CACNA1C: variants seen among roughly 807,000 people sequenced by gnomAD.
The protein encoded by CACNA1C is voltage-dependent L-type calcium channel subunit alpha-1C.
CACNA1C carries 30 observed loss-of-function variants against 229.0 expected under a neutral mutation model. The ratio of observed to expected loss-of-function variants is 0.13; its 90% CI spans 0.10 to 0.18. The LOEUF is 0.18. Ranked by LOEUF, CACNA1C falls within the 10% of genes least tolerant of loss-of-function variation. CACNA1C has a pLI of 1.00. For synonymous variants in CACNA1C, 1,114 were observed against 1,132.5 expected (o/e 0.98, Z 0.33); for missense variants, 1,658 against 2,845.0 (o/e 0.58, Z 9.49).
intron 1 of CACNA1C, among the ~76,000 whole-genome samples, chr12:2,014,151 C>G (rs1471475603): frequency 2.0e-5 from 3 of 152,108 alleles, no homozygotes; most frequent in Non-Finnish European, 4.4e-5. Context: ...CTCCGTGGGC[C>G]TTCAGTATTA....
chr12:2,568,091 G>A (rs2052227133), intron 13 of CACNA1C, among the ~76,000 whole-genome samples: 1 of 152,116 alleles, frequency 6.6e-6, no homozygotes, highest in African/African-American at 2.4e-5. Context: ...AGAGGGTCAG[G>A]GACTCAATCT....
At chr12:1,998,937 G>A (rs1329446242) in intron 1 of CACNA1C, among the ~76,000 whole-genome samples, 4 of 151,832 alleles carry the variant, frequency 2.6e-5, no homozygotes, top group Non-Finnish European at 5.9e-5. Flanking sequence ...TGAAAAATAC[G>A]CCCTTTTAAA....
chr12:2,370,922 G>A (rs1251411528), intron 3 of CACNA1C, among the ~76,000 whole-genome samples: 1 of 152,136 alleles, frequency 6.6e-6, no homozygotes, highest in Non-Finnish European at 1.5e-5. Context: ...AGGCTCGTCT[G>A]CTCTCCAAGT....
intron 29 of CACNA1C, among the ~76,000 whole-genome samples, chr12:2,627,663 G>A (rs1339264729): frequency 2.0e-5 from 3 of 152,126 alleles, no homozygotes; most frequent in Admixed American, 6.5e-5. Flanking sequence ...TAGGTCCGGT[G>A]AAGCCATCTG....
intron 1 of CACNA1C, among the ~76,000 whole-genome samples, chr12:1,995,500 T>C (rs1271546797): frequency 1.3e-5 from 2 of 152,254 alleles, no homozygotes; most frequent in Non-Finnish European, 2.9e-5. Flanking sequence ...GGTTCTTGGG[T>C]ACTCCACTGC....
intron 3 of CACNA1C, among the ~76,000 whole-genome samples, chr12:2,130,595 T>C (rs2091997052): frequency 1.1e-5 from 1 of 92,778 alleles, no homozygotes; most frequent in Admixed American, 1.2e-4. Context: ...AGAATGATGA[T>C]TTCCAATTTC....
At chr12:2,148,374 C>G (rs1267464949) in intron 3 of CACNA1C, among the ~76,000 whole-genome samples, 1 of 151,336 alleles carries the variant, frequency 6.6e-6, no homozygotes, top group Non-Finnish European at 1.5e-5. Flanking sequence ...TCAAAGATTG[C>G]AGATGGAAAT....
At chr12:2,220,013 T>C (rs1271321608) in intron 3 of CACNA1C, among the ~76,000 whole-genome samples, 1 of 152,150 alleles carries the variant, frequency 6.6e-6, no homozygotes, top group Non-Finnish European at 1.5e-5. Context: ...AAGGATTTCC[T>C]CCTCCTCAGA....
Position 2,665,810 on chromosome 12 carries a change from A to G in CACNA1C, c.4526+102A>G, listed in dbSNP as rs2096060016. 5 of 1,159,948 alleles carry G rather than the reference A, an allele frequency of 4.3e-6. No homozygotes were observed. The highest frequency in any genetic ancestry group is 2.7e-5 in the East Asian group (1 of 37,456). The allele number at this position is 1,159,948 out of a possible 1,614,324, so 71.9% of individuals were successfully genotyped here. On this transcript the variant is annotated intron_variant, in intron 36 of 46. Coordinates refer to ENST00000399655, the MANE Select transcript of CACNA1C (RefSeq NM_000719.7). The surrounding 1 kb of genome is among the most constrained non-coding windows in gnomAD (Gnocchi z 5.9). ...AGGTTGGCCAACACTGGGTGGATCA[A>G]TTAGAAACACTGGATTGTATCACAC...
intron 7 of CACNA1C, among the ~76,000 whole-genome samples, chr12:2,499,612 C>A (rs1469256571): frequency 6.6e-6 from 1 of 152,180 alleles, no homozygotes; most frequent in Non-Finnish European, 1.5e-5. Context: ...ATGCTCCCTC[C>A]CTTTGTAGTG....
chr12:2,310,520 G>A (rs1033567862), intron 3 of CACNA1C, among the ~76,000 whole-genome samples: 3 of 152,118 alleles, frequency 2.0e-5, no homozygotes, highest in Admixed American at 1.3e-4. Context: ...TGGCATTGTC[G>A]ACTCATTTGG....
chr12:2,352,563 C>A (rs1325468526), intron 3 of CACNA1C, among the ~76,000 whole-genome samples: 3 of 152,000 alleles, frequency 2.0e-5, no homozygotes, highest in Non-Finnish European at 4.4e-5. Context: ...CTGGTTACCC[C>A]CAAGGATGCT....
chr12:2,458,455 G>C (rs1027125900), intron 5 of CACNA1C, among the ~76,000 whole-genome samples: 5 of 152,200 alleles, frequency 3.3e-5, no homozygotes, highest in African/African-American at 1.2e-4. Context: ...CCCAGCCCAA[G>C]GTGCTCCTGG....
At chr12:2,312,151 A>C (rs1257507191) in intron 3 of CACNA1C, among the ~76,000 whole-genome samples, 1 of 152,102 alleles carries the variant, frequency 6.6e-6, no homozygotes, top group Non-Finnish European at 1.5e-5. Context: ...CCAATCCTTC[A>C]CACCCGCTCC....
At chr12:2,337,781 C>T (rs2096744363) in intron 3 of CACNA1C, among the ~76,000 whole-genome samples, 1 of 152,232 alleles carries the variant, frequency 6.6e-6, no homozygotes, top group South Asian at 2.1e-4. Flanking sequence ...GAGTAACACC[C>T]TCCAGGACCC....
chr12:2,148,185 C>G (rs1302137736), intron 3 of CACNA1C, among the ~76,000 whole-genome samples: 1 of 151,328 alleles, frequency 6.6e-6, no homozygotes, highest in South Asian at 2.1e-4. Flanking sequence ...ATCATCCACA[C>G]AACCACAGAA....
intron 3 of CACNA1C, among the ~76,000 whole-genome samples, chr12:2,374,253 T>A (rs953946719): frequency 1.3e-5 from 2 of 152,268 alleles, no homozygotes; most frequent in Admixed American, 6.5e-5. Flanking sequence ...AATTTTTTAG[T>A]AATGGACTGT....
At chr12:2,443,132 T>A (rs936984638) in intron 3 of CACNA1C, among the ~76,000 whole-genome samples, 2 of 152,186 alleles carry the variant, frequency 1.3e-5, no homozygotes, top group African/African-American at 2.4e-5. Flanking sequence ...GAGGGCCCGG[T>A]AGGAGCAAGA....
chr12:2,296,665 C>T (rs1008083553), intron 3 of CACNA1C, among the ~76,000 whole-genome samples: 2 of 152,162 alleles, frequency 1.3e-5, no homozygotes, highest in Non-Finnish European at 2.9e-5. Flanking sequence ...AATTCTCTAC[C>T]GTAGAGCCAA....
Sources: allele counts gnomAD v4.1 joint callset (sites outside exome capture counted in the v4.1 genomes callset), GRCh38; gene constraint gnomAD v4.1.1; non-coding constraint Gnocchi (gnomAD v3.1); transcripts MANE v1.5; gene names NCBI Gene and HGNC (gene_info 2026-07-23, HGNC 2026-07-21).